The following DSCAM variants were observed in gnomAD, a reference collection of about 807,000 sequenced individuals.
The protein encoded by DSCAM is DS cell adhesion molecule.
In DSCAM, 47 loss-of-function variants were observed where a neutral mutation model predicts 217.7. The ratio of observed to expected loss-of-function variants is 0.22; its 90% CI spans 0.17 to 0.28. The LOEUF (loss-of-function observed/expected upper bound fraction) is 0.28. Among genes scored for constraint, DSCAM ranks in the 10% least tolerant of loss-of-function variants. DSCAM has a pLI of 1.00. For synonymous variants in DSCAM, 1,056 were observed against 1,015.3 expected (o/e 1.04, Z -0.76); for missense variants, 2,080 against 2,618.3 (o/e 0.79, Z 4.49).
At chr21:40,654,492 A>G (rs538359455) in intron 3 of DSCAM, among the ~76,000 whole-genome samples, 1 of 152,354 alleles carries the variant, frequency 6.6e-6, no homozygotes, top group South Asian at 2.1e-4. Flanking sequence ...GTGGCACAAA[A>G]TAACACAAAT....
intron 3 of DSCAM, among the ~76,000 whole-genome samples, chr21:40,421,981 G>A (rs1192247974): frequency 6.6e-6 from 1 of 152,212 alleles, no homozygotes; most frequent in East Asian, 1.9e-4. Flanking sequence ...TGCATATGGA[G>A]GAGACAGAAA....
Position 40,189,231 on chromosome 21 carries a change from C to G in DSCAM, c.2364G>C (p.Ala788=). Residue 788 remains alanine, a synonymous_variant, in exon 12 of 33, where the codon GCG becomes GCC. Transcript: ENST00000400454. ...TAGTATTTGGATAGGATGTTATCAT[C>G]GCAGGAACTGAAAAAGCAAAAGGGA... The part of the protein sequence containing the change: ...KSMYLTVKIP[A]MITSYPNTTL... The G allele has an allele frequency of 6.4e-7, 1 of 1,571,654 alleles. No homozygotes were observed. The highest frequency in any genetic ancestry group is 8.6e-7 in the Non-Finnish European group (1 of 1,161,754).
intron 3 of DSCAM, among the ~76,000 whole-genome samples, chr21:40,637,160 A>T (rs71316165): frequency 0.055 from 1,921 of 35,028 alleles, 171 homozygotes; most frequent in Admixed American, 0.06. Context: ...AATATATATA[A>T]ATATAAATAT....
chr21:40,154,340 C>A (rs1481010465), intron 16 of DSCAM, among the ~76,000 whole-genome samples: 2 of 151,986 alleles, frequency 1.3e-5, no homozygotes, highest in African/African-American at 4.8e-5. Flanking sequence ...GCAGCCTCAA[C>A]CACCCCAGGC....
At chr21:40,261,761 C>T (rs2073455537) in intron 11 of DSCAM, among the ~76,000 whole-genome samples, 1 of 152,012 alleles carries the variant, frequency 6.6e-6, no homozygotes, top group Non-Finnish European at 1.5e-5. Context: ...AGCACTATCT[C>T]TCTATATGTC....
intron 11 of DSCAM, among the ~76,000 whole-genome samples, chr21:40,245,889 C>A (rs1299396067): frequency 6.6e-6 from 1 of 152,102 alleles, no homozygotes; most frequent in Non-Finnish European, 1.5e-5. Flanking sequence ...AGCTCCACAG[C>A]AATGGATCAG....
At chr21:40,649,321 T>C (rs1308225833) in intron 3 of DSCAM, among the ~76,000 whole-genome samples, 2 of 152,108 alleles carry the variant, frequency 1.3e-5, no homozygotes, top group Non-Finnish European at 2.9e-5. Flanking sequence ...CAGGAGGCAT[T>C]GCACACATCC....
chr21:40,260,695 C>A (rs1274106883), intron 11 of DSCAM, among the ~76,000 whole-genome samples: 2 of 152,222 alleles, frequency 1.3e-5, no homozygotes, highest in Non-Finnish European at 2.9e-5. Flanking sequence ...AGGCCCATTG[C>A]AGGTCAGGAG....
At chr21:40,546,583 C>T (rs1197312685) in intron 3 of DSCAM, among the ~76,000 whole-genome samples, 1 of 152,222 alleles carries the variant, frequency 6.6e-6, no homozygotes, top group African/African-American at 2.4e-5. Context: ...ATGGATCTGG[C>T]AGTAAATACA....
chr21:40,817,226 CT>C (rs1359874144), intron 1 of DSCAM, among the ~76,000 whole-genome samples: 2 of 151,992 alleles, frequency 1.3e-5, no homozygotes, highest in African/African-American at 4.8e-5. Flanking sequence ...CACACTTTTC[CT>C]TTTTTTACAC....
chr21:40,786,278 GA>G (rs2091593437), intron 1 of DSCAM, among the ~76,000 whole-genome samples: 1 of 146,860 alleles, frequency 6.8e-6, no homozygotes, highest in Non-Finnish European at 1.5e-5. Context: ...AGGAAAGAAA[GA>G]AAAAAAGGAA....
intron 1 of DSCAM, among the ~76,000 whole-genome samples, chr21:40,818,419 G>T (rs9983897): frequency 6.2e-4 from 93 of 151,110 alleles, no homozygotes; most frequent in African/African-American, 2.0e-3. Flanking sequence ...GGTGGCGGGC[G>T]CCTGTAGTCC....
intron 21 of DSCAM, 79 bp downstream of exon 21, chr21:40,093,642 A>C: frequency 1.3e-6 from 2 of 1,512,448 alleles, no homozygotes; most frequent in Non-Finnish European, 1.8e-6. Context: ...GGAAAGTGTA[A>C]GTTTTATTTC....
At chr21:40,100,527 C>T (rs973160485) in intron 20 of DSCAM, among the ~76,000 whole-genome samples, 11 of 152,066 alleles carry the variant, frequency 7.2e-5, no homozygotes, top group Admixed American at 1.3e-4. Flanking sequence ...TATTTTATTA[C>T]GTAGCACTCT....
chr21:40,819,947 T>A (rs2091912217), intron 1 of DSCAM, among the ~76,000 whole-genome samples: 1 of 152,094 alleles, frequency 6.6e-6, no homozygotes, highest in Non-Finnish European at 1.5e-5. Context: ...CAGGATATCA[T>A]CATCAGGAAT....
At chr21:40,235,206 G>A (rs764933709) in intron 11 of DSCAM, among the ~76,000 whole-genome samples, 9 of 152,110 alleles carry the variant, frequency 5.9e-5, no homozygotes, top group Non-Finnish European at 1.0e-4. Flanking sequence ...ATATGGTCAG[G>A]GGGCCAGATG....
intron 28 of DSCAM, among the ~76,000 whole-genome samples, chr21:40,057,668 C>T (rs886403340): frequency 1.3e-5 from 2 of 152,126 alleles, no homozygotes; most frequent in Non-Finnish European, 2.9e-5. Flanking sequence ...TGAACCACTG[C>T]GACTGGCTGG....
At chr21:40,159,052 T>TA (rs2090509795) in intron 16 of DSCAM, among the ~76,000 whole-genome samples, 1 of 152,174 alleles carries the variant, frequency 6.6e-6, no homozygotes, top group South Asian at 2.1e-4. Flanking sequence ...ACCTTGAAAA[T>TA]AGTCTGGAAA....
intron 11 of DSCAM, among the ~76,000 whole-genome samples, chr21:40,235,042 T>C (rs984617224): frequency 6.6e-6 from 1 of 152,322 alleles, no homozygotes. Context: ...AATGCAATAG[T>C]ATTAGGAGTA....
Sources: gnomAD v4.1 joint callset for allele counts (sites outside exome capture counted in the v4.1 genomes callset) on GRCh38, gnomAD v4.1.1 for gene constraint, MANE v1.5 for transcripts, NCBI Gene and HGNC (gene_info 2026-07-23, HGNC 2026-07-21) for gene names.